THSD7B: variants seen among roughly 807,000 people sequenced by gnomAD.
THSD7B encodes thrombospondin type 1 domain containing 7B.
THSD7B carries 138 observed loss-of-function variants against 213.6 expected under a neutral mutation model. The ratio of observed to expected loss-of-function variants is 0.65; its 90% CI spans 0.56 to 0.74. The LOEUF (loss-of-function observed/expected upper bound fraction) is 0.74, where lower values mean the gene tolerates loss of function less well. THSD7B is among the 30% of genes least tolerant of loss of function. The probability of loss-of-function intolerance (pLI) is 0.00; values close to 1 mark genes in which losing one functional copy is unlikely to be tolerated. For synonymous variants in THSD7B, 742 were observed against 687.0 expected (o/e 1.08, Z -1.25); for missense variants, 1,931 against 1,991.5 (o/e 0.97, Z 0.58).
At chr2:137,373,279 T>G (rs1030994150) in intron 12 of THSD7B, among the ~76,000 whole-genome samples, 2 of 152,196 alleles carry the variant, frequency 1.3e-5, no homozygotes, top group East Asian at 1.9e-4. Flanking sequence ...CCACACTGAC[T>G]TCCACAATGG....
chr2:137,444,817 C>T (rs556706972), intron 14 of THSD7B, among the ~76,000 whole-genome samples: 1 of 152,016 alleles, frequency 6.6e-6, no homozygotes, highest in South Asian at 2.1e-4. Context: ...AAACACTCAA[C>T]AAAATGAAGA....
chr2:137,091,372 G>A (rs1215833650), intron 3 of THSD7B, among the ~76,000 whole-genome samples: 1 of 152,014 alleles, frequency 6.6e-6, no homozygotes, highest in Non-Finnish European at 1.5e-5. Flanking sequence ...AATCAATCTT[G>A]GAAATTGAAA....
chr2:137,331,299 G>T (rs1684500820), intron 12 of THSD7B, among the ~76,000 whole-genome samples: 1 of 151,882 alleles, frequency 6.6e-6, no homozygotes, highest in Non-Finnish European at 1.5e-5. Context: ...CCCTGAGCTA[G>T]ACACAGGGTG....
Position 136,882,206 on chromosome 2 carries a change from A to G in THSD7B, c.28A>G (p.Thr10Ala). MFPKSNLTV[T>A]CWVWRSMRKL... Reference sequence around the variant, plus strand: ...GTTTCCAAAGAGCAACCTAACAGTCACTTGCTGGGTATGGAGGAGCATGAG... The same window carrying G: ...GTTTCCAAAGAGCAACCTAACAGTCGCTTGCTGGGTATGGAGGAGCATGAG... The change falls in exon 2 of 28, where the codon ACT becomes GCT. Residue 10 changes from threonine to alanine, a missense_variant. Coordinates refer to ENST00000409968, the MANE Select transcript of THSD7B (RefSeq NM_001316349.2). The G allele has an allele frequency of 3.3e-6, 5 of 1,538,326 alleles. No individual in the cohort carries two copies. Among genetic ancestry groups the G allele is most frequent in the Non-Finnish European group, 4.4e-6 (5 of 1,141,768 alleles).
chr2:137,089,508 A>C (rs1406156879), intron 3 of THSD7B, among the ~76,000 whole-genome samples: 1 of 151,942 alleles, frequency 6.6e-6, no homozygotes. Context: ...TGGCATTCAC[A>C]GTGACCTGGA....
chr2:137,355,633 C>T lies in THSD7B; in HGVS notation c.2501-49980C>T, dbSNP rs548568796. ...CCCAATTCAAGAGTGCTTTTAAAAT[C>T]AGCATGAACTTCCCAAAGAGTTGCA... On this transcript the variant is annotated intron_variant, in intron 12 of 27. Transcript: ENST00000409968. 1.2e-4 allele frequency among the ~76,000 whole-genome samples: 19 copies of T among 152,288 alleles called. No homozygotes were observed. In the East Asian group the frequency reaches 3.5e-3, roughly 28 times the overall value.
At chr2:137,059,158 A>C (rs937087522) in intron 3 of THSD7B, among the ~76,000 whole-genome samples, 1 of 152,066 alleles carries the variant, frequency 6.6e-6, no homozygotes, top group African/African-American at 2.4e-5. Flanking sequence ...GTGTCCTCAC[A>C]TGGTGGGGGA....
At chr2:136,968,586 T>C (rs528551773) in intron 2 of THSD7B, among the ~76,000 whole-genome samples, 2 of 152,280 alleles carry the variant, frequency 1.3e-5, no homozygotes, top group South Asian at 4.1e-4. Flanking sequence ...TTGTGATGTC[T>C]TTTAAAGTGA....
chr2:136,926,751 C>G (rs1346374416), intron 2 of THSD7B, among the ~76,000 whole-genome samples: 2 of 151,798 alleles, frequency 1.3e-5, no homozygotes, highest in African/African-American at 4.8e-5. Flanking sequence ...GTTCTGAGAA[C>G]CTCTTTTGTC....
chr2:136,941,556 T>A (rs1302347366), intron 2 of THSD7B, among the ~76,000 whole-genome samples: 2 of 152,250 alleles, frequency 1.3e-5, no homozygotes, highest in Non-Finnish European at 2.9e-5. Flanking sequence ...TTCTAACTGG[T>A]GTGAGATGGT....
chr2:137,073,480 TTTC>T (rs1326323256), intron 3 of THSD7B, among the ~76,000 whole-genome samples: 8 of 152,204 alleles, frequency 5.3e-5, no homozygotes, highest in African/African-American at 1.9e-4. Flanking sequence ...TCTTCTCTCT[TTTC>T]TTCTTAGTCT....
intron 12 of THSD7B, among the ~76,000 whole-genome samples, chr2:137,357,857 T>C (rs888938302): frequency 1.3e-5 from 2 of 152,186 alleles, no homozygotes; most frequent in Non-Finnish European, 2.9e-5. Context: ...TCCTTTGTTC[T>C]GCAGCTGACT....
intron 15 of THSD7B, among the ~76,000 whole-genome samples, chr2:137,495,876 T>TTTGATTG (rs1258235147): frequency 7.2e-5 from 11 of 152,180 alleles, no homozygotes; most frequent in African/African-American, 2.7e-4. Flanking sequence ...AAACTCCAGT[T>TTTGATTG]CTACCCCCCT....
chr2:136,793,902 G>C (rs1682013186), intron 1 of THSD7B, among the ~76,000 whole-genome samples: 1 of 151,474 alleles, frequency 6.6e-6, no homozygotes, highest in South Asian at 2.1e-4. Context: ...AGCCTTCTGG[G>C]CTTTTGTGGA....
At chr2:137,109,741 A>G (rs925288761) in intron 4 of THSD7B, among the ~76,000 whole-genome samples, 1 of 128,074 alleles carries the variant, frequency 7.8e-6, no homozygotes, top group African/African-American at 2.6e-5. Context: ...CTGTAAATAC[A>G]GATGAAGCTT....
intron 2 of THSD7B, among the ~76,000 whole-genome samples, chr2:136,902,572 G>A (rs191779888): frequency 5.9e-5 from 9 of 152,270 alleles, no homozygotes; most frequent in East Asian, 1.9e-4. Flanking sequence ...TTCCACATGC[G>A]CCGAGGATAG....
At chr2:136,787,534 G>A (rs1325419793) in intron 1 of THSD7B, among the ~76,000 whole-genome samples, 1 of 152,096 alleles carries the variant, frequency 6.6e-6, no homozygotes, top group Non-Finnish European at 1.5e-5. Flanking sequence ...TACAATGTAA[G>A]TTTACAAAAG....
chr2:136,873,354 T>G (rs913476907), intron 1 of THSD7B, among the ~76,000 whole-genome samples: 2 of 152,204 alleles, frequency 1.3e-5, no homozygotes, highest in South Asian at 2.1e-4. Flanking sequence ...TTCAGTTACC[T>G]GCAGAGTGTC....
At chr2:137,177,561 C>G (rs919822211) in intron 7 of THSD7B, among the ~76,000 whole-genome samples, 7 of 152,120 alleles carry the variant, frequency 4.6e-5, no homozygotes, top group African/African-American at 1.7e-4. Context: ...AGCCCCTACC[C>G]CAGAGTTTCT....
Sources: gnomAD v4.1 joint callset for allele counts (sites outside exome capture counted in the v4.1 genomes callset) on GRCh38, gnomAD v4.1.1 for gene constraint, MANE v1.5 for transcripts, NCBI Gene and HGNC (gene_info 2026-07-23, HGNC 2026-07-21) for gene names.